The following CHRM3 variants were observed in gnomAD, a reference collection of about 807,000 sequenced individuals.
CHRM3 encodes the protein cholinergic receptor muscarinic 3, also known as muscarinic acetylcholine receptor M3.
In CHRM3, 11 loss-of-function variants were observed where a neutral mutation model predicts 41.8. The ratio of observed to expected loss-of-function variants is 0.26; its 90% CI spans 0.17 to 0.44. The LOEUF (loss-of-function observed/expected upper bound fraction) is 0.44. Ranked by LOEUF, CHRM3 falls within the 20% of genes least tolerant of loss-of-function variation. The pLI, the probability that CHRM3 is intolerant of heterozygous loss-of-function variation, is 1.00. For missense variants in CHRM3, 571 were observed against 745.4 expected (o/e 0.77, Z 2.72); for synonymous variants, 297 against 301.4 (o/e 0.99, Z 0.15).
At chr1:239,683,741 C>G (rs1175669395) in intron 5 of CHRM3, among the ~76,000 whole-genome samples, 1 of 152,172 alleles carries the variant, frequency 6.6e-6, no homozygotes, top group Non-Finnish European at 1.5e-5. Context: ...GTCATCCAGT[C>G]AGGTAATATA....
chr1:239,751,403 A>G (rs111454951), intron 5 of CHRM3, among the ~76,000 whole-genome samples: 3,022 of 152,158 alleles, frequency 0.02, 89 homozygotes, highest in African/African-American at 0.065. Flanking sequence ...TACGAGCAAA[A>G]TTTCTGAGAT....
chr1:239,678,567 A>G (rs111506909), intron 5 of CHRM3, among the ~76,000 whole-genome samples: 1,925 of 152,308 alleles, frequency 0.013, 53 homozygotes, highest in African/African-American at 0.045. Flanking sequence ...TCTGAAAATA[A>G]TAAGAATTAT....
chr1:239,570,495 G>A (rs1029660245), intron 3 of CHRM3, among the ~76,000 whole-genome samples: 1 of 152,116 alleles, frequency 6.6e-6, no homozygotes, highest in African/African-American at 2.4e-5. Flanking sequence ...TGATAGATAT[G>A]GAAAATCTCT....
chr1:239,697,561 A>G (rs946705175), intron 5 of CHRM3, among the ~76,000 whole-genome samples: 1 of 152,222 alleles, frequency 6.6e-6, no homozygotes, highest in African/African-American at 2.4e-5. Context: ...GATGGCAAGG[A>G]TAGAAAGGAG....
At chr1:239,499,324 G>T (rs1320969140) in intron 2 of CHRM3, among the ~76,000 whole-genome samples, 1 of 152,152 alleles carries the variant, frequency 6.6e-6, no homozygotes, top group Non-Finnish European at 1.5e-5. Context: ...ACAGGGGATA[G>T]TATTTGAAAA....
intron 2 of CHRM3, among the ~76,000 whole-genome samples, chr1:239,543,639 C>G (rs1052096178): frequency 5.2e-4 from 79 of 152,022 alleles, no homozygotes; most frequent in African/African-American, 1.9e-3. Context: ...TCCCAAGTAT[C>G]TGGGACTACA....
intron 2 of CHRM3, among the ~76,000 whole-genome samples, chr1:239,507,174 G>A (rs1302319038): frequency 2.6e-5 from 4 of 152,106 alleles, no homozygotes; most frequent in South Asian, 2.1e-4. Context: ...GATTGGTTTC[G>A]AAATGTGATT....
At chr1:239,612,347 G>A (rs887047296) in intron 3 of CHRM3, among the ~76,000 whole-genome samples, 1 of 152,068 alleles carries the variant, frequency 6.6e-6, no homozygotes, top group Non-Finnish European at 1.5e-5. Context: ...GCTGAAATGT[G>A]CATTTTTGTT....
At chr1:239,757,474 C>T (rs1480596366) in intron 5 of CHRM3, among the ~76,000 whole-genome samples, 2 of 151,868 alleles carry the variant, frequency 1.3e-5, no homozygotes, top group Non-Finnish European at 2.9e-5. Context: ...ACTAAAAATA[C>T]AAAAAATTAG....
chr1:239,638,841 G>A (rs1019995637), intron 4 of CHRM3, among the ~76,000 whole-genome samples: 1 of 152,148 alleles, frequency 6.6e-6, no homozygotes, highest in Admixed American at 6.5e-5. Context: ...CCTTGCCCAT[G>A]TCTATGTCCT....
chr1:239,712,336 GA>G (rs1314238761), intron 5 of CHRM3, among the ~76,000 whole-genome samples: 5 of 152,112 alleles, frequency 3.3e-5, no homozygotes, highest in Admixed American at 2.6e-4. Flanking sequence ...GTCCTTTACA[GA>G]ATTCTCTTCA....
intron 2 of CHRM3, among the ~76,000 whole-genome samples, chr1:239,509,843 T>G (rs939446893): frequency 3.3e-5 from 5 of 152,204 alleles, no homozygotes; most frequent in Non-Finnish European, 5.9e-5. Context: ...ATCCCAGCAC[T>G]TTGGGAGGCC....
At chr1:239,764,322 C>T (rs1486129642) in intron 5 of CHRM3, among the ~76,000 whole-genome samples, 24 of 152,040 alleles carry the variant, frequency 1.6e-4, no homozygotes, top group Non-Finnish European at 1.5e-5. Context: ...GACACTAGTT[C>T]GAAGAATTAT....
At chr1:239,552,791 T>C (rs1659997964) in intron 3 of CHRM3, among the ~76,000 whole-genome samples, 1 of 151,754 alleles carries the variant, frequency 6.6e-6, no homozygotes, top group Non-Finnish European at 1.5e-5. Flanking sequence ...ACACCCTACC[T>C]GGAAGAAATA....
intron 5 of CHRM3, among the ~76,000 whole-genome samples, chr1:239,689,727 G>A (rs544973610): frequency 2.6e-4 from 40 of 152,122 alleles, no homozygotes; most frequent in Non-Finnish European, 5.4e-4. Flanking sequence ...CAAATAAAAC[G>A]GAAAAGCCTG....
rs1334668008 is a variant in CHRM3, at chr1:239,908,575, G to A, written c.1124G>A (p.Ser375Asn). The change falls in exon 7 of 7, where the codon AGC (serine) becomes AAC (asparagine). Residue 375 changes from serine (S) to asparagine (N), a missense_variant. Ser to Asn is a conservative substitution (Grantham distance 46). Coordinates refer to ENST00000676153, the MANE Select transcript of CHRM3 (RefSeq NM_001375978.1). The surrounding 1 kb of genome is among the most constrained non-coding windows in gnomAD (Gnocchi z 7.2). ...ATCGTGCTCAAGCTTCCGGGTCACA[G>A]CACCATCCTCAACTCCACCAAGTTA... is the stretch of plus-strand genomic sequence containing the variant. The part of the protein sequence containing the change: ...YSIVLKLPGH[S>N]TILNSTKLPS... 1 of 1,594,370 alleles carries A rather than the reference G, an allele frequency of 6.3e-7. No individual in the cohort carries two copies. Among genetic ancestry groups the A allele is most frequent in the South Asian group, 1.1e-5 (1 of 87,402 alleles).
At chr1:239,413,026 C>T (rs1040494879) in intron 1 of CHRM3, among the ~76,000 whole-genome samples, 2 of 151,002 alleles carry the variant, frequency 1.3e-5, no homozygotes, top group African/African-American at 2.4e-5. Context: ...TACAGTGAGC[C>T]GAGATCCCGT....
rs376692136 is a variant in CHRM3, at chr1:239,576,575, TAC to T, written c.-313+30843_-313+30844del. 2.2e-3 allele frequency among the ~76,000 whole-genome samples: 289 copies of T among 131,614 alleles called. 1 individual carries two copies. Among genetic ancestry groups the T allele is most frequent in the African/African-American group, 6.3e-3 (242 of 38,332 alleles). The allele number at this position is 131,614 out of a possible 152,430, so 86.3% of individuals were successfully genotyped here. A position where few individuals can be genotyped will look rare whatever the true frequency, so the allele number is the denominator to read the frequency against. ...CAGGGAAACAGCAAAACATCATCTC[TAC>T]ACACACACACACACACGCACACACA... On this transcript the variant is annotated intron_variant, in intron 3 of 6. Transcript: ENST00000676153.
intron 6 of CHRM3, among the ~76,000 whole-genome samples, chr1:239,881,872 A>T (rs180671567): frequency 9.2e-5 from 14 of 151,878 alleles, no homozygotes; most frequent in African/African-American, 3.1e-4. Flanking sequence ...CTACAGATTT[A>T]CAACTGGAGG....
Sources: gnomAD v4.1 joint callset for allele counts (sites outside exome capture counted in the v4.1 genomes callset) on GRCh38, gnomAD v4.1.1 for gene constraint, Gnocchi (gnomAD v3.1) non-coding constraint, MANE v1.5 for transcripts, NCBI Gene and HGNC (gene_info 2026-07-23, HGNC 2026-07-21) for gene names.